PDE4B: variants seen among roughly 807,000 people sequenced by gnomAD.
PDE4B encodes the protein phosphodiesterase 4B.
A neutral mutation model predicts 82.2 loss-of-function variants in PDE4B; 20 were observed. The observed-to-expected ratio is 0.24, with a 90% CI of 0.17 to 0.35. The LOEUF (loss-of-function observed/expected upper bound fraction) is 0.35, where lower values mean the gene tolerates loss of function less well. PDE4B is among the 10% of genes least tolerant of loss of function. PDE4B has a pLI of 1.00. For synonymous variants in PDE4B, 320 were observed against 318.9 expected (o/e 1.00, Z -0.04); for missense variants, 655 against 907.2 (o/e 0.72, Z 3.57).
At chr1:65,992,697 C>A in intron 3 of PDE4B, 1 of 1,304,752 alleles carries the variant, frequency 7.7e-7, no homozygotes, top group Non-Finnish European at 9.7e-7. Flanking sequence ...AGAGGCAAAG[C>A]CAGCCTGATA....
At chr1:66,201,754 T>G (rs1570457340) in intron 3 of PDE4B, among the ~76,000 whole-genome samples, 1 of 152,028 alleles carries the variant, frequency 6.6e-6, no homozygotes, top group Non-Finnish European at 1.5e-5. Context: ...TTATTAGTCT[T>G]GCTAGCGGTC....
At chr1:65,913,494 A>C (rs1647120724) in intron 2 of PDE4B, 138 bp downstream of exon 2, 1 of 741,188 alleles carries the variant, frequency 1.3e-6, no homozygotes. Context: ...CACAGCCAGC[A>C]CCTGGACCTG....
At chr1:66,222,605 A>T (rs1014295752) in intron 3 of PDE4B, among the ~76,000 whole-genome samples, 2 of 152,240 alleles carry the variant, frequency 1.3e-5, no homozygotes, top group Non-Finnish European at 2.9e-5. Context: ...CTTCATCCAA[A>T]TGTTAACAAT....
chr1:65,914,841 C>A (rs1049108301), intron 2 of PDE4B, among the ~76,000 whole-genome samples: 5 of 152,112 alleles, frequency 3.3e-5, no homozygotes, highest in Non-Finnish European at 5.9e-5. Context: ...TGAACATTAA[C>A]CCCACCATAT....
chr1:66,299,305 A>G (rs1657726140), intron 7 of PDE4B, among the ~76,000 whole-genome samples: 1 of 152,136 alleles, frequency 6.6e-6, no homozygotes, highest in South Asian at 2.1e-4. Context: ...GCCTCCAGAT[A>G]TTAGTGAAAC....
At chr1:65,951,206 G>T (rs1408993353) in intron 3 of PDE4B, among the ~76,000 whole-genome samples, 1 of 152,062 alleles carries the variant, frequency 6.6e-6, no homozygotes, top group Non-Finnish European at 1.5e-5. Flanking sequence ...GGGATTATGA[G>T]AACATCTCCT....
intron 1 of PDE4B, among the ~76,000 whole-genome samples, chr1:65,806,909 A>G (rs1645761171): frequency 6.6e-6 from 1 of 152,234 alleles, no homozygotes; most frequent in Non-Finnish European, 1.5e-5. Context: ...TGGTATTTAG[A>G]TGCTGAGCCA....
rs533930091 is a variant in PDE4B, at chr1:66,034,307, T to C, written c.281+115472T>C. ...CTGTTAAATAACAAGTAGTTGAAAG[T>C]TAAAAATTTCACATTTTACAGGAGA... On this transcript the variant is annotated intron_variant, in intron 3 of 16. Coordinates refer to ENST00000341517, the MANE Select transcript of PDE4B (RefSeq NM_002600.4). Among the ~76,000 whole-genome samples the C allele has an allele frequency of 1.2e-4, 19 of 152,376 alleles. No individual in the cohort carries two copies. The South Asian group carries it at 3.9e-3, about 32-fold the overall frequency.
At chr1:66,014,219 A>C (rs566257999) in intron 3 of PDE4B, among the ~76,000 whole-genome samples, 1 of 152,224 alleles carries the variant, frequency 6.6e-6, no homozygotes, top group Non-Finnish European at 1.5e-5. Flanking sequence ...TGATTTGCAA[A>C]TATTGTCTCC....
At chr1:65,915,337 C>T (rs1647147365) in intron 2 of PDE4B, among the ~76,000 whole-genome samples, 1 of 152,112 alleles carries the variant, frequency 6.6e-6, no homozygotes, top group African/African-American at 2.4e-5. Context: ...AGTATCATGA[C>T]ATTTAGCTTC....
chr1:65,928,913 T>G (rs1569718350), intron 3 of PDE4B, among the ~76,000 whole-genome samples: 2 of 152,342 alleles, frequency 1.3e-5, no homozygotes, highest in East Asian at 1.9e-4. Flanking sequence ...AGAGTTCCTA[T>G]GTAGTGGGCC....
rs375878597 is a variant in PDE4B, at chr1:66,257,495, G to A, written c.477-152G>A. On this transcript the variant is annotated intron_variant, in intron 4 of 16. Transcript: ENST00000341517. ...TTTCAAGCTCTTGGAATACCCTTTC[G>A]TGCCAAATTGTGAGTCCTGTCTTAT... 4.5e-4 allele frequency: 374 copies of A among 836,702 alleles called. 2 individuals are homozygous for A. The highest frequency in any genetic ancestry group is 4.4e-4 in the Middle Eastern group (2 of 4,502). The allele number at this position is 836,702 out of a possible 1,614,324, so 51.8% of individuals were successfully genotyped here. A position where few individuals can be genotyped will look rare whatever the true frequency, so the allele number is the denominator to read the frequency against.
chr1:65,948,420 A>G (rs1467152751), intron 3 of PDE4B, among the ~76,000 whole-genome samples: 2 of 151,984 alleles, frequency 1.3e-5, no homozygotes, highest in Non-Finnish European at 2.9e-5. Context: ...CTGAGTCTCA[A>G]AACTGAAGAA....
chr1:66,065,242 T>TATTC (rs750523071), intron 3 of PDE4B, among the ~76,000 whole-genome samples: 2 of 151,976 alleles, frequency 1.3e-5, no homozygotes, highest in African/African-American at 2.4e-5. Context: ...TTAATTCATC[T>TATTC]ATTCATTCAT....
chr1:66,367,174 G>A (rs917756372), intron 13 of PDE4B, among the ~76,000 whole-genome samples: 1 of 152,098 alleles, frequency 6.6e-6, no homozygotes, highest in African/African-American at 2.4e-5. Context: ...CATATTAATA[G>A]AAAGCTCTAA....
chr1:66,187,823 T>C (rs1002766556), intron 3 of PDE4B, among the ~76,000 whole-genome samples: 2 of 151,982 alleles, frequency 1.3e-5, no homozygotes, highest in Admixed American at 1.3e-4. Flanking sequence ...GTTTTCTGTG[T>C]CTCTATTTCC....
At chr1:66,217,462 G>C (rs1011296812) in intron 3 of PDE4B, among the ~76,000 whole-genome samples, 8 of 152,194 alleles carry the variant, frequency 5.3e-5, no homozygotes, top group African/African-American at 1.9e-4. Flanking sequence ...AGCAAGAAGA[G>C]AGGTGCACTG....
At position 66,158,022 on chromosome 1, in the gene PDE4B, T is replaced by C. The variant is rs112087303; in HGVS notation, c.282-89438T>C. On this transcript the variant is annotated intron_variant, in intron 3 of 16. Coordinates refer to ENST00000341517, the MANE Select transcript of PDE4B (RefSeq NM_002600.4). Reference sequence around the variant, plus strand: ...GTAATTGCAGTTTGTGTTGATGAGGTATGGGTTTATGATAGAGACATCAGC... The same window carrying C: ...GTAATTGCAGTTTGTGTTGATGAGGCATGGGTTTATGATAGAGACATCAGC... Among the ~76,000 whole-genome samples, 6 of 152,268 alleles carry C rather than the reference T, an allele frequency of 3.9e-5. 1 individual carries two copies. Among genetic ancestry groups the C allele is most frequent in the African/African-American group, 1.4e-4 (6 of 41,562 alleles).
chr1:65,856,934 G>A (rs1646399949), intron 1 of PDE4B, among the ~76,000 whole-genome samples: 1 of 152,170 alleles, frequency 6.6e-6, no homozygotes. Context: ...CAACTGCCTT[G>A]TCAGTGGATA....
Sources: allele counts gnomAD v4.1 joint callset (sites outside exome capture counted in the v4.1 genomes callset), GRCh38; gene constraint gnomAD v4.1.1; transcripts MANE v1.5; gene names NCBI Gene and HGNC (gene_info 2026-07-23, HGNC 2026-07-21).